The following SCAMP1 variants were observed in gnomAD, a reference collection of about 807,000 sequenced individuals.
SCAMP1 encodes the protein secretory carrier-associated membrane protein 1.
In SCAMP1, 15 loss-of-function variants were observed where a neutral mutation model predicts 41.8. The observed-to-expected ratio is 0.36, with a 90% CI of 0.24 to 0.55. The LOEUF is 0.55. SCAMP1 is among the 20% of genes least tolerant of loss of function. The probability of loss-of-function intolerance (pLI) is 0.86; values close to 1 mark genes in which losing one functional copy is unlikely to be tolerated. For missense variants in SCAMP1, 341 were observed against 412.6 expected (o/e 0.83, Z 1.50); for synonymous variants, 135 against 136.8 (o/e 0.99, Z 0.09).
intron 6 of SCAMP1, among the ~76,000 whole-genome samples, chr5:78,422,946 G>A (rs562774554): frequency 6.6e-6 from 1 of 152,102 alleles, no homozygotes; most frequent in Non-Finnish European, 1.5e-5. Context: ...ACATTTAAGT[G>A]TTCAGTATGT....
At chr5:78,398,759 G>C (rs1478493128) in intron 2 of SCAMP1, among the ~76,000 whole-genome samples, 2 of 151,744 alleles carry the variant, frequency 1.3e-5, no homozygotes, top group Non-Finnish European at 2.9e-5. Flanking sequence ...TGGCCAGGCT[G>C]GTCTCAAACT....
intron 2 of SCAMP1, among the ~76,000 whole-genome samples, chr5:78,404,167 A>G (rs1481078163): frequency 6.6e-6 from 1 of 150,572 alleles, no homozygotes; most frequent in Non-Finnish European, 1.5e-5. Flanking sequence ...TTGTATGCTC[A>G]TGCTTGCTTT....
chr5:78,360,770 G>T, intron 1 of SCAMP1, 42 bp downstream of exon 1: 1 of 1,569,318 alleles, frequency 6.4e-7, no homozygotes, highest in Non-Finnish European at 8.7e-7. Context: ...GCGACGCGTC[G>T]TTGTTTGTGA....
At chr5:78,462,523 C>A (rs1753643309) in intron 8 of SCAMP1, among the ~76,000 whole-genome samples, 1 of 151,998 alleles carries the variant, frequency 6.6e-6, no homozygotes, top group African/African-American at 2.4e-5. Flanking sequence ...ATGATTTCGC[C>A]ATGTTGGCCA....
intron 1 of SCAMP1, among the ~76,000 whole-genome samples, chr5:78,361,233 T>TA (rs5868918): frequency 0.63 from 93,173 of 147,492 alleles, 30,097 homozygotes; most frequent in Admixed American, 0.71. Flanking sequence ...ATGCTGCAAT[T>TA]AAAAAAAAAA....
At chr5:78,433,900 T>C (rs1752682049) in intron 6 of SCAMP1, among the ~76,000 whole-genome samples, 3 of 152,300 alleles carry the variant, frequency 2.0e-5, no homozygotes, top group South Asian at 4.1e-4. Flanking sequence ...GTCTCTGTAA[T>C]AGATATATTC....
chr5:78,475,837 C>T lies in SCAMP1; in HGVS notation c.*169C>T, dbSNP rs527262536. On this transcript the variant is annotated 3_prime_UTR_variant, in exon 9 of 9. Transcript: ENST00000621999. Reference sequence around the variant, plus strand: ...AAACTTCCTTGTCTTATTACTTTACCTAATAGTTTCTTAATATTTCAGTGC... The same window carrying T: ...AAACTTCCTTGTCTTATTACTTTACTTAATAGTTTCTTAATATTTCAGTGC... The T allele has an allele frequency of 8.5e-5, 34 of 399,256 alleles. No homozygotes were observed. Among genetic ancestry groups the T allele is most frequent in the Non-Finnish European group, 3.8e-5 (9 of 234,652 alleles). The allele number at this position is 399,256 out of a possible 1,614,324, so 24.7% of individuals were successfully genotyped here.
At chr5:78,412,301 T>A (rs1397110833) in intron 2 of SCAMP1, among the ~76,000 whole-genome samples, 1 of 152,102 alleles carries the variant, frequency 6.6e-6, no homozygotes, top group African/African-American at 2.4e-5. Flanking sequence ...AGAATGACTT[T>A]TCTTCACGCC....
intron 1 of SCAMP1, among the ~76,000 whole-genome samples, chr5:78,367,895 G>A (rs151178049): frequency 3.3e-5 from 5 of 152,280 alleles, no homozygotes; most frequent in African/African-American, 9.6e-5. Context: ...CTGCTACCTC[G>A]TATTGGTTCC....
intron 8 of SCAMP1, among the ~76,000 whole-genome samples, chr5:78,470,743 C>CT (rs970483385): frequency 6.6e-6 from 1 of 152,164 alleles, no homozygotes; most frequent in Non-Finnish European, 1.5e-5. Context: ...CCTCCAAACT[C>CT]TTTTCTGGAA....
intron 1 of SCAMP1, among the ~76,000 whole-genome samples, chr5:78,363,876 A>T (rs1337550496): frequency 2.0e-5 from 3 of 152,066 alleles, no homozygotes; most frequent in Non-Finnish European, 4.4e-5. Context: ...GAATGGTTTT[A>T]TGAAATTTGA....
chr5:78,460,791 TCC>T (rs1753575188), intron 8 of SCAMP1, among the ~76,000 whole-genome samples: 2 of 47,358 alleles, frequency 4.2e-5, no homozygotes, highest in African/African-American at 2.5e-4. Context: ...CTTCCTTCCT[TCC>T]TTCCTTCCTT....
intron 5 of SCAMP1, 146 bp downstream of exon 5, chr5:78,419,049 T>C (rs1752275744): frequency 4.2e-6 from 3 of 710,394 alleles, no homozygotes; most frequent in South Asian, 1.9e-5. Flanking sequence ...GTGAAACATA[T>C]CCTATTTAGG....
chr5:78,392,039 CCG>C (rs1751528772), intron 2 of SCAMP1, among the ~76,000 whole-genome samples: 1 of 1,494 alleles, frequency 6.7e-4, no homozygotes, highest in African/African-American at 3.7e-3. Context: ...GAGAGGGAGA[CCG>C]TGGAAAGAGA....
rs1750986837 is a variant in SCAMP1 at position 78,373,323 on chromosome 5, T to A, written c.57+12595T>A. ...TATATTAAATAGAAAAAGCATGTAT[T>A]ACTACTTTCAAGCTTTGGGAATACA... On this transcript the variant is annotated intron_variant, in intron 1 of 8. Transcript: ENST00000621999. Among the ~76,000 whole-genome samples the A allele has an allele frequency of 1.3e-5, 2 of 152,164 alleles. 1 individual carries two copies. Among genetic ancestry groups the A allele is most frequent in the South Asian group, 4.1e-4 (2 of 4,830 alleles).
At chr5:78,432,292 G>T (rs973991806) in intron 6 of SCAMP1, among the ~76,000 whole-genome samples, 1 of 152,066 alleles carries the variant, frequency 6.6e-6, no homozygotes, top group African/African-American at 2.4e-5. Flanking sequence ...TTTCATTTGT[G>T]TGTGTGGGTG....
intron 6 of SCAMP1, among the ~76,000 whole-genome samples, chr5:78,430,005 ATT>A (rs1752564047): frequency 1.3e-5 from 2 of 151,138 alleles, no homozygotes; most frequent in African/African-American, 2.4e-5. Flanking sequence ...TTAGACTAGT[ATT>A]TGGAGTTCTT....
chr5:78,442,563 TTTG>T (rs1339579844), intron 6 of SCAMP1, among the ~76,000 whole-genome samples: 2 of 152,158 alleles, frequency 1.3e-5, no homozygotes, highest in East Asian at 3.9e-4. Context: ...CCGGCTGAGT[TTTG>T]TTTTATAAGA....
At chr5:78,383,220 G>C (rs1377065962) in intron 1 of SCAMP1, among the ~76,000 whole-genome samples, 2 of 151,894 alleles carry the variant, frequency 1.3e-5, no homozygotes, top group African/African-American at 4.8e-5. Context: ...ATATGTTTAT[G>C]GGCCATTTGT....
Sources: gnomAD v4.1 joint callset for allele counts (sites outside exome capture counted in the v4.1 genomes callset) on GRCh38, gnomAD v4.1.1 for gene constraint, MANE v1.5 for transcripts, NCBI Gene and HGNC (gene_info 2026-07-23, HGNC 2026-07-21) for gene names.